PCCA: variants seen among roughly 807,000 people sequenced by gnomAD.
The protein encoded by PCCA is propionyl-CoA carboxylase subunit alpha.
PCCA carries 74 observed loss-of-function variants against 101.3 expected under a neutral mutation model. The observed-to-expected ratio is 0.73, with a 90% confidence interval of 0.61 to 0.89. The LOEUF (loss-of-function observed/expected upper bound fraction) is 0.89, where lower values mean the gene tolerates loss of function less well. PCCA is among the 40% of genes least tolerant of loss of function. The pLI is 0.00. For synonymous variants in PCCA, 294 were observed against 313.6 expected, an observed-to-expected ratio of 0.94 and a Z score of 0.66; for missense variants, 891 against 907.0, an observed-to-expected ratio of 0.98 and a Z score of 0.23.
At chr13:100,515,603 G>C in intron 22 of PCCA, 36 bp downstream of exon 22, 3 of 1,609,716 alleles carry the variant, frequency 1.9e-6, no homozygotes, top group Non-Finnish European at 2.5e-6. Context: ...AGGACATGCT[G>C]GTCTCCAACT....
chr13:100,451,626 T>G (rs905897526), intron 21 of PCCA, among the ~76,000 whole-genome samples: 1 of 151,878 alleles, frequency 6.6e-6, no homozygotes, highest in Non-Finnish European at 1.5e-5. Context: ...TCCCTCAGTT[T>G]TTCCTCTCTC....
At chr13:100,304,118 A>G (rs1286279248) in intron 14 of PCCA, among the ~76,000 whole-genome samples, 2 of 152,264 alleles carry the variant, frequency 1.3e-5, no homozygotes, top group Non-Finnish European at 1.5e-5. Flanking sequence ...TGTTGAAAGT[A>G]CAAGTGATAA....
chr13:100,172,868 C>T (rs1332562575), intron 6 of PCCA, among the ~76,000 whole-genome samples: 1 of 152,206 alleles, frequency 6.6e-6, no homozygotes, highest in Non-Finnish European at 1.5e-5. Flanking sequence ...CAGGATCACA[C>T]AGCTGTTAGT....
Position 100,433,017 on chromosome 13 carries a change from AC to A in PCCA, c.1845+7287del, listed in dbSNP as rs2079665784. On this transcript the variant is annotated intron_variant, in intron 20 of 23. Coordinates refer to ENST00000376285, the MANE Select transcript of PCCA (RefSeq NM_000282.4). ...TAATATTCCATTGTGTGAATATACT[AC>A]ATGTTGTTTATCCATTCCTCTGTCA... 3.3e-5 allele frequency among the ~76,000 whole-genome samples: 5 copies of A among 152,186 alleles called. 1 individual carries two copies. In the South Asian group the frequency reaches 1.0e-3, roughly 31 times the overall value.
intron 9 of PCCA, 85 bp downstream of exon 9, chr13:100,257,758 G>A: frequency 2.3e-6 from 2 of 874,180 alleles, no homozygotes; most frequent in East Asian, 2.6e-5. Flanking sequence ...GATACCAAAA[G>A]CATAATGGAG....
intron 4 of PCCA, among the ~76,000 whole-genome samples, chr13:100,113,347 A>G (rs1301284589): frequency 2.6e-5 from 4 of 152,148 alleles, no homozygotes; most frequent in Admixed American, 6.5e-5. Flanking sequence ...TGTATAGGGC[A>G]CTTACTGTGA....
intron 11 of PCCA, among the ~76,000 whole-genome samples, chr13:100,272,151 G>A (rs1457702608): frequency 1.3e-5 from 2 of 152,114 alleles, no homozygotes; most frequent in Non-Finnish European, 2.9e-5. Context: ...CCTGCTTGAA[G>A]GTGGGTTTGG....
chr13:100,403,685 T>C lies in PCCA; in HGVS notation c.1747-21948T>C, dbSNP rs375785304. 8.7e-4 allele frequency among the ~76,000 whole-genome samples: 133 copies of C among 152,228 alleles called. 4 individuals carry two copies. The South Asian group carries it at 0.025, about 28-fold the overall frequency. ...ATGAAAATTCAGGCCCACAGACAAT[T>C]TGAATGGTGAGTAAGACAGGGTTTT... On this transcript the variant is annotated intron_variant, in intron 19 of 23. Transcript: ENST00000376285.
At chr13:100,293,415 C>T (rs960906928) in intron 12 of PCCA, among the ~76,000 whole-genome samples, 57 of 152,072 alleles carry the variant, frequency 3.7e-4, no homozygotes, top group Non-Finnish European at 8.8e-5. Context: ...AGAATTATTG[C>T]AACCTAAATT....
At chr13:100,371,637 G>A (rs377290151) in intron 19 of PCCA, among the ~76,000 whole-genome samples, 26 of 152,062 alleles carry the variant, frequency 1.7e-4, no homozygotes, top group East Asian at 7.7e-4. Context: ...CAGATACAAC[G>A]CCATCCCTAT....
intron 20 of PCCA, among the ~76,000 whole-genome samples, chr13:100,428,454 A>G (rs976921662): frequency 5.9e-5 from 9 of 151,386 alleles, no homozygotes; most frequent in Admixed American, 2.0e-4. Context: ...GAGGCAAGCT[A>G]TGTAACTTCC....
In PCCA at chr13:100,432,893, T is replaced by G. The variant is rs181941959; in HGVS notation, c.1845+7162T>G. On this transcript the variant is annotated intron_variant, in intron 20 of 23. Transcript: ENST00000376285. The stretch of plus-strand genomic sequence containing the variant: ...CGCCTATAAATGAAATGGTATAGTA[T>G]TTGTCTTTTGTGACTGGCTTATTTC... 2.9e-3 allele frequency among the ~76,000 whole-genome samples: 444 copies of G among 152,342 alleles called. 4 individuals carry two copies. The highest frequency in any genetic ancestry group is 0.01 in the African/African-American group (426 of 41,580).
chr13:100,308,719 A>G (rs1222767986), intron 15 of PCCA, among the ~76,000 whole-genome samples: 3 of 152,182 alleles, frequency 2.0e-5, no homozygotes, highest in Non-Finnish European at 4.4e-5. Flanking sequence ...AAAATATTAT[A>G]CGTTGATTTT....
intron 21 of PCCA, among the ~76,000 whole-genome samples, chr13:100,452,795 C>T (rs1188409315): frequency 6.6e-6 from 1 of 152,190 alleles, no homozygotes; most frequent in African/African-American, 2.4e-5. Flanking sequence ...GTGCTCTGCC[C>T]AGTGCCCTGA....
At chr13:100,330,696 GT>G in intron 17 of PCCA, 25 bp downstream of exon 17, 1 of 1,297,958 alleles carries the variant, frequency 7.7e-7, no homozygotes, top group Non-Finnish European at 1.1e-6. Flanking sequence ...AAATATTTTA[GT>G]GTTTTAAAGT....
At chr13:100,197,412 CT>C (rs2058184035) in intron 6 of PCCA, among the ~76,000 whole-genome samples, 1 of 151,888 alleles carries the variant, frequency 6.6e-6, no homozygotes, top group South Asian at 2.1e-4. Flanking sequence ...CCAGGCTGAT[CT>C]TGAACTCCTG....
At chr13:100,489,307 C>CA (rs71706045) in intron 21 of PCCA, among the ~76,000 whole-genome samples, 136 of 145,344 alleles carry the variant, frequency 9.4e-4, no homozygotes, top group East Asian at 3.8e-3. Context: ...GACTCCGTCT[C>CA]AAAAAAAAAA....
At chr13:100,451,652 G>C (rs567058283) in intron 21 of PCCA, among the ~76,000 whole-genome samples, 1 of 150,708 alleles carries the variant, frequency 6.6e-6, no homozygotes, top group East Asian at 2.0e-4. Context: ...ATGGCAACTT[G>C]AACTAATCCT....
chr13:100,204,434 C>T lies in PCCA; in HGVS notation c.469-4898C>T, dbSNP rs1488155667. ...AGATTACAGGCGTGACCCACTGTGCCCAGCCCCATGGCTGTCTTTTTCTTC... is the reference window on the plus strand; with the variant it reads ...AGATTACAGGCGTGACCCACTGTGCTCAGCCCCATGGCTGTCTTTTTCTTC... On this transcript the variant is annotated intron_variant, in intron 6 of 23. Transcript: ENST00000376285. Among the ~76,000 whole-genome samples the T allele has an allele frequency of 2.6e-5, 4 of 152,212 alleles. No homozygotes were observed. In the East Asian group the frequency reaches 7.7e-4, roughly 29 times the overall value.
Sources: gnomAD v4.1 joint callset for allele counts (sites outside exome capture counted in the v4.1 genomes callset) on GRCh38, gnomAD v4.1.1 for gene constraint, MANE v1.5 for transcripts, NCBI Gene and HGNC (gene_info 2026-07-23, HGNC 2026-07-21) for gene names.